AGMO: variants seen among roughly 807,000 people sequenced by gnomAD.
AGMO encodes the protein glyceryl-ether monooxygenase.
Under a neutral mutation model 60.2 loss-of-function variants are expected in AGMO, and 75 were observed. That is an observed-to-expected ratio of 1.25 (90% CI 1.03 to 1.51). The LOEUF is 1.51. AGMO is among the 40% of genes most tolerant of loss of function. The pLI is 0.00. For missense variants in AGMO, 763 were observed against 525.5 expected (o/e 1.45, Z -4.42); for synonymous variants, 261 against 177.1 (o/e 1.47, Z -3.76).
intron 12 of AGMO, among the ~76,000 whole-genome samples, chr7:15,258,708 T>C (rs1199204809): frequency 1.3e-5 from 2 of 152,156 alleles, no homozygotes; most frequent in Admixed American, 1.3e-4. Context: ...CAGGGGCTGG[T>C]ATCCAGGACT....
At chr7:15,436,930 A>G (rs944615596) in intron 3 of AGMO, among the ~76,000 whole-genome samples, 1 of 152,176 alleles carries the variant, frequency 6.6e-6, no homozygotes, top group Admixed American at 6.5e-5. Flanking sequence ...AGATATCTAA[A>G]TATAAAATAT....
chr7:15,451,848 AG>A (rs1307702237), intron 3 of AGMO, among the ~76,000 whole-genome samples: 1 of 152,196 alleles, frequency 6.6e-6, no homozygotes, highest in Non-Finnish European at 1.5e-5. Context: ...AGAAATGGGA[AG>A]GAAGGTACAG....
chr7:15,221,423 G>T (rs542749317), intron 12 of AGMO, among the ~76,000 whole-genome samples: 1 of 151,872 alleles, frequency 6.6e-6, no homozygotes, highest in South Asian at 2.1e-4. Flanking sequence ...AAATGACACG[G>T]CTAAAAAAAA....
At chr7:15,504,768 T>G (rs1279949421) in intron 3 of AGMO, among the ~76,000 whole-genome samples, 2 of 150,078 alleles carry the variant, frequency 1.3e-5, no homozygotes, top group Non-Finnish European at 2.9e-5. Context: ...TTTTTCCTTT[T>G]CTAGTTAAAA....
At chr7:15,344,814 T>C (rs187428933) in intron 12 of AGMO, among the ~76,000 whole-genome samples, 39 of 152,008 alleles carry the variant, frequency 2.6e-4, no homozygotes, top group Admixed American at 7.2e-4. Context: ...TTTTCATCAG[T>C]TGAATATATC....
Position 15,358,851 on chromosome 7 carries a change from T to C in AGMO, c.1263+6663A>G, listed in dbSNP as rs946961011. On this transcript the variant is annotated intron_variant, in intron 12 of 12. Coordinates refer to ENST00000342526, the MANE Select transcript of AGMO (RefSeq NM_001004320.2). Reference sequence around the variant, plus strand: ...TGCTTTGCCTTTATTCCTTGAAGTATTGGGGATGATGACCTAAATGTAACA... The same window carrying C: ...TGCTTTGCCTTTATTCCTTGAAGTACTGGGGATGATGACCTAAATGTAACA... 5.3e-5 allele frequency among the ~76,000 whole-genome samples: 8 copies of C among 152,156 alleles called. No homozygotes were observed. In the South Asian group the frequency reaches 6.2e-4, roughly 12 times the overall value.
At chr7:15,374,545 G>T (rs917922021) in intron 10 of AGMO, among the ~76,000 whole-genome samples, 1 of 152,028 alleles carries the variant, frequency 6.6e-6, no homozygotes, top group Admixed American at 6.6e-5. Context: ...ATTAAAATAT[G>T]AATGTGTACC....
chr7:15,230,400 G>C (rs542973626), intron 12 of AGMO, among the ~76,000 whole-genome samples: 1 of 152,074 alleles, frequency 6.6e-6, no homozygotes, highest in South Asian at 2.1e-4. Context: ...AATCCTACTT[G>C]AATCTAGGCA....
chr7:15,291,968 G>A (rs373329664), intron 12 of AGMO, among the ~76,000 whole-genome samples: 4 of 152,218 alleles, frequency 2.6e-5, no homozygotes, highest in Middle Eastern at 3.4e-3. Context: ...GCATGAATGC[G>A]ACCACGTGTC....
At chr7:15,434,524 G>A (rs1781344640) in intron 3 of AGMO, among the ~76,000 whole-genome samples, 2 of 152,058 alleles carry the variant, frequency 1.3e-5, no homozygotes, top group African/African-American at 4.8e-5. Flanking sequence ...TCCCTTTGAA[G>A]AAATACATAT....
At chr7:15,414,439 T>C (rs557773597) in intron 5 of AGMO, among the ~76,000 whole-genome samples, 2 of 151,754 alleles carry the variant, frequency 1.3e-5, no homozygotes, top group East Asian at 3.9e-4. Flanking sequence ...TAAGATATGA[T>C]AGGAATGCAT....
chr7:15,422,535 A>G (rs1205689195), intron 4 of AGMO, among the ~76,000 whole-genome samples: 1 of 152,134 alleles, frequency 6.6e-6, no homozygotes, highest in Admixed American at 6.6e-5. Flanking sequence ...AACAGGGAAG[A>G]CCAGAGAAGG....
the AGMO span, among the ~76,000 whole-genome samples, chr7:15,141,050 T>C: frequency 6.6e-6 from 1 of 152,130 alleles, no homozygotes; most frequent in Non-Finnish European, 1.5e-5. Context: ...GACCAATTTA[T>C]CTACCTTCTA....
At chr7:15,130,424 C>T in the AGMO span, among the ~76,000 whole-genome samples, 3 of 151,812 alleles carry the variant, frequency 2.0e-5, no homozygotes, top group Admixed American at 6.6e-5. Flanking sequence ...ATGTTAATAG[C>T]GTATTTTCAA....
the AGMO span, among the ~76,000 whole-genome samples, chr7:15,175,116 G>A: frequency 1.3e-5 from 2 of 151,790 alleles, no homozygotes; most frequent in Admixed American, 1.3e-4. Context: ...CAAGCAGTTA[G>A]ACAATGGTGC....
chr7:15,196,245 C>A (rs1040357121), downstream of AGMO, among the ~76,000 whole-genome samples: 6 of 151,782 alleles, frequency 4.0e-5, no homozygotes, highest in African/African-American at 1.5e-4. Flanking sequence ...GAAGGGGTTT[C>A]ACCATATTGA....
At chr7:15,211,640 T>C (rs1455084205) in intron 12 of AGMO, among the ~76,000 whole-genome samples, 3 of 151,976 alleles carry the variant, frequency 2.0e-5, no homozygotes, top group African/African-American at 7.2e-5. Context: ...TCCTTACTTA[T>C]GACAAAAATA....
At chr7:15,211,375 T>C (rs78354317) in intron 12 of AGMO, among the ~76,000 whole-genome samples, 14,022 of 152,054 alleles carry the variant, frequency 0.092, 821 homozygotes, top group Middle Eastern at 0.22. Context: ...GTCAACTCTT[T>C]CTCGTTGGTG....
At chr7:15,237,142 A>C (rs1441340979) in intron 12 of AGMO, among the ~76,000 whole-genome samples, 1 of 152,088 alleles carries the variant, frequency 6.6e-6, no homozygotes, top group Non-Finnish European at 1.5e-5. Context: ...GCAGCTCCGT[A>C]TGTGCATATA....
Sources: allele counts gnomAD v4.1 joint callset (sites outside exome capture counted in the v4.1 genomes callset), GRCh38; gene constraint gnomAD v4.1.1; transcripts MANE v1.5; gene names NCBI Gene and HGNC (gene_info 2026-07-23, HGNC 2026-07-21).